Variants in IL18R1 observed in about 807,000 individuals in gnomAD.
IL18R1 encodes interleukin 18 receptor 1, also known as interleukin-18 receptor 1.
Under a neutral mutation model 48.5 loss-of-function variants are expected in IL18R1, and 40 were observed. The ratio of observed to expected loss-of-function variants is 0.82; its 90% CI spans 0.64 to 1.07. The LOEUF is 1.07. Ranked by LOEUF, IL18R1 falls within the 50% of genes least tolerant of loss-of-function variation. The probability of loss-of-function intolerance (pLI) is 0.00; values close to 1 mark genes in which losing one functional copy is unlikely to be tolerated. For missense variants in IL18R1, 596 were observed against 633.7 expected (o/e 0.94, Z 0.64); for synonymous variants, 232 against 225.9 (o/e 1.03, Z -0.24).
chr2:102,359,538 A>G (rs565511603), intron 1 of IL18R1, among the ~76,000 whole-genome samples: 1 of 152,250 alleles, frequency 6.6e-6, no homozygotes, highest in Non-Finnish European at 1.5e-5. Context: ...TGAAAATAAA[A>G]TGGCTGATAA....
At chr2:102,391,202 C>T (rs1236858048) in intron 9 of IL18R1, among the ~76,000 whole-genome samples, 1 of 151,516 alleles carries the variant, frequency 6.6e-6, no homozygotes, top group Non-Finnish European at 1.5e-5. Flanking sequence ...AGTTCAAAAC[C>T]CAAAATGTCT....
chr2:102,390,729 C>G (rs946951191), intron 9 of IL18R1, among the ~76,000 whole-genome samples: 1 of 151,824 alleles, frequency 6.6e-6, no homozygotes, highest in East Asian at 1.9e-4. Context: ...GTCAGGAGAT[C>G]GAGACCATCC....
intron 1 of IL18R1, among the ~76,000 whole-genome samples, chr2:102,362,002 G>A (rs766277688): frequency 2.6e-5 from 4 of 152,226 alleles, no homozygotes; most frequent in Middle Eastern, 3.4e-3. Context: ...AGACACACGC[G>A]AACACATGCA....
rs1679288687 is a variant in IL18R1, at chr2:102,371,933, T to G, written c.303-20T>G. 7.2e-7 allele frequency: 1 copy of G among 1,391,006 alleles called. No individual in the cohort carries two copies. Among genetic ancestry groups the G allele is most frequent in the South Asian group, 1.3e-5 (1 of 77,340 alleles). 86.2% of individuals were successfully genotyped at this position (1,391,006 alleles called of 1,614,324 possible). On this transcript the variant is annotated intron_variant, in intron 3 of 10. Coordinates refer to ENST00000233957, the MANE Select transcript of IL18R1 (RefSeq NM_003855.5). ...AGTTTCTGTAGCATTATAAAATACC[T>G]TTACACTTTTATTCCATAGAAATTA...
intron 8 of IL18R1, among the ~76,000 whole-genome samples, chr2:102,389,029 CAT>C (rs1264420633): frequency 6.6e-6 from 1 of 151,998 alleles, no homozygotes; most frequent in African/African-American, 2.4e-5. Context: ...TATATATACA[CAT>C]ATTTGCAAAT....
intron 4 of IL18R1, chr2:102,374,123 C>G (rs568251268): frequency 4.6e-6 from 1 of 217,342 alleles, no homozygotes; most frequent in Admixed American, 4.7e-5. Context: ...CCACCCTGGT[C>G]CATGGAAAAG....
Position 102,379,608 on chromosome 2 carries a change from C to T in IL18R1, c.626-2012C>T, listed in dbSNP as rs538110451. Among the ~76,000 whole-genome samples the T allele has an allele frequency of 3.4e-4, 51 of 152,176 alleles. 1 individual carries two copies. The South Asian group carries it at 9.9e-3, about 30-fold the overall frequency. ...AATGCTAATGGACTGAGTGGGGAAA[C>T]CCAGCAAGACCTGTCCAGATTCTTC... is the stretch of plus-strand genomic sequence containing the variant. On this transcript the variant is annotated intron_variant, in intron 5 of 10. Coordinates refer to ENST00000233957, the MANE Select transcript of IL18R1 (RefSeq NM_003855.5).
chr2:102,394,525 G>A lies in IL18R1; in HGVS notation c.1168G>A (p.Gly390Arg). The change falls in exon 10 of 11, where the codon GGA becomes AGA. Residue 390 changes from glycine to arginine, a missense_variant. By Grantham distance (125) the Gly-to-Arg change is moderately radical. Around this residue, in one of 3 missense-constraint regions of IL18R1, gnomAD observed 179 missense variants for 206.1 expected, o/e 0.87. Transcript: ENST00000233957. ...CCTAAAAGAATGCCGACCTGAAAAT[G>A]GAGAGGAGCACACCTTTGCTGTGGA... Reference protein sequence around the residue: ...SYLKECRPENGEEHTFAVEIL... With the variant: ...SYLKECRPENREEHTFAVEIL... 6.2e-7 allele frequency: 1 copy of A among 1,613,272 alleles called. No homozygotes were observed. Among genetic ancestry groups the A allele is most frequent in the Non-Finnish European group, 8.5e-7 (1 of 1,179,392 alleles).
In IL18R1 at chr2:102,396,513, G is replaced by T. The variant is rs1680833927; in HGVS notation, c.1271-18G>T. On this transcript the variant is annotated intron_variant, in intron 10 of 10. Transcript: ENST00000233957. Reference sequence around the variant, plus strand: ...TTTCAGTTATCTTAAATTAATAGGGGTTATCTTGCATTTTCAGCTGTTGTT... The same window carrying T: ...TTTCAGTTATCTTAAATTAATAGGGTTTATCTTGCATTTTCAGCTGTTGTT... 1 of 1,437,812 alleles carries T rather than the reference G, an allele frequency of 7.0e-7. No homozygotes were observed. The highest frequency in any genetic ancestry group is 1.4e-5 in the African/African-American group (1 of 70,310). The allele number at this position is 1,437,812 out of a possible 1,614,324, so 89.1% of individuals were successfully genotyped here.
At position 102,396,754 on chromosome 2, in the gene IL18R1, G is replaced by A; in HGVS notation, c.1494G>A (p.Leu498=). 3 of 1,614,040 alleles carry A rather than the reference G, an allele frequency of 1.9e-6. No individual in the cohort carries two copies. The highest frequency in any genetic ancestry group is 2.5e-6 in the Non-Finnish European group (3 of 1,179,882). ...AGCTTTTGAAATCTCACAGAGTTCTGAAGTGGAAGGCCGATAAATCTCTTT... is the reference window on the plus strand; with the variant it reads ...AGCTTTTGAAATCTCACAGAGTTCTAAAGTGGAAGGCCGATAAATCTCTTT... ...SLKLLKSHRV[L]KWKADKSLSY... Residue 498 remains leucine (L), a synonymous_variant, in exon 11 of 11, where the codon CTG becomes CTA. Transcript: ENST00000233957.
Position 102,390,194 on chromosome 2 carries a change from C to T in IL18R1, c.1088C>T (p.Thr363Met), listed in dbSNP as rs187081342. 4.5e-5 allele frequency: 72 copies of T among 1,613,696 alleles called. No individual in the cohort carries two copies. Among genetic ancestry groups the T allele is most frequent in the East Asian group, 3.1e-4 (14 of 44,868 alleles). ...TTGGTTCTATTTTATAGACATTTAA[C>T]GAGAAGAGATGAAACATTAACAGGT... ...VDLVLFYRHLTRRDETLTDGK... is the reference protein window; with the variant it reads ...VDLVLFYRHLMRRDETLTDGK... Residue 363 changes from threonine (T) to methionine (M), a missense_variant, in exon 9 of 11, where the codon ACG (threonine) becomes ATG (methionine). Physicochemically the swap from Thr to Met is moderately conservative, Grantham distance 81. This residue lies in a region of IL18R1 where 179 missense variants were observed against 206.1 expected (regional missense o/e 0.87). Transcript: ENST00000233957.
intron 10 of IL18R1, among the ~76,000 whole-genome samples, chr2:102,396,027 G>A (rs972126563): frequency 3.3e-5 from 5 of 152,078 alleles, no homozygotes; most frequent in Non-Finnish European, 7.4e-5. Flanking sequence ...AATAATGGAT[G>A]GTTTTGTTTT....
intron 1 of IL18R1, among the ~76,000 whole-genome samples, chr2:102,362,142 C>T (rs1192583871): frequency 6.6e-6 from 1 of 152,144 alleles, no homozygotes; most frequent in East Asian, 1.9e-4. Context: ...ATTATGAAAC[C>T]TACGTTCTGA....
At chr2:102,394,383 C>T (rs1680710311) in intron 9 of IL18R1, 86 bp from the exon 10 acceptor site, 3 of 1,104,120 alleles carry the variant, frequency 2.7e-6, no homozygotes, top group South Asian at 1.6e-5. Context: ...TGATTCTATA[C>T]TCATTACTTA....
chr2:102,362,568 C>A, intron 1 of IL18R1, 65 bp from the exon 2 acceptor site: 1 of 1,074,856 alleles, frequency 9.3e-7, no homozygotes, highest in South Asian at 1.8e-5. Context: ...ATTTTTAAAC[C>A]TTCATAAGAT....
intron 4 of IL18R1, among the ~76,000 whole-genome samples, chr2:102,375,599 C>G (rs1196991138): frequency 1.3e-5 from 2 of 152,116 alleles, no homozygotes; most frequent in Admixed American, 6.6e-5. Context: ...CTCGCTGTTT[C>G]TCTCTCTCTG....
chr2:102,368,208 T>C (rs1679028231), intron 3 of IL18R1, 140 bp downstream of exon 3: 15 of 967,150 alleles, frequency 1.6e-5, no homozygotes, highest in Non-Finnish European at 2.4e-5. Flanking sequence ...TGAAATACAT[T>C]CTTTGTTATG....
At chr2:102,390,690 T>C (rs889614206) in intron 9 of IL18R1, among the ~76,000 whole-genome samples, 1 of 151,952 alleles carries the variant, frequency 6.6e-6, no homozygotes, top group African/African-American at 2.4e-5. Context: ...TCCCAGCACT[T>C]TGAGAGTCCG....
chr2:102,361,848 G>C (rs781725034), intron 1 of IL18R1, among the ~76,000 whole-genome samples: 14 of 152,206 alleles, frequency 9.2e-5, no homozygotes, highest in Admixed American at 3.9e-4. Context: ...TCAGAACTCC[G>C]AATGCTAGGT....
Sources: allele counts gnomAD v4.1 joint callset (sites outside exome capture counted in the v4.1 genomes callset), GRCh38; gene constraint gnomAD v4.1.1; regional missense constraint gnomAD v4.1.1; transcripts MANE v1.5; gene names NCBI Gene and HGNC (gene_info 2026-07-23, HGNC 2026-07-21).